SLC9A8: variants seen among roughly 807,000 people sequenced by gnomAD.
SLC9A8 encodes sodium/hydrogen exchanger 8.
Under a neutral mutation model 66.6 loss-of-function variants are expected in SLC9A8, and 48 were observed. The observed-to-expected ratio is 0.72, with a 90% CI of 0.57 to 0.92. The LOEUF is 0.92. SLC9A8 is among the 40% of genes least tolerant of loss of function. The pLI, the probability that SLC9A8 is intolerant of heterozygous loss-of-function variation, is 0.00. For synonymous variants in SLC9A8, 274 were observed against 282.6 expected (o/e 0.97, Z 0.31); for missense variants, 599 against 747.3 (o/e 0.80, Z 2.31).
chr20:49,837,066 C>T (rs1045096511), intron 3 of SLC9A8, among the ~76,000 whole-genome samples: 1 of 152,110 alleles, frequency 6.6e-6, no homozygotes, highest in African/African-American at 2.4e-5. Context: ...CAAAGTCACC[C>T]CTCTCTTTGT....
At chr20:49,875,886 C>CT (rs1200798635) in intron 11 of SLC9A8, among the ~76,000 whole-genome samples, 6 of 152,240 alleles carry the variant, frequency 3.9e-5, no homozygotes, top group Admixed American at 3.3e-4. Context: ...AGGTGCCCGC[C>CT]ACCATGCCTG....
intron 3 of SLC9A8, among the ~76,000 whole-genome samples, chr20:49,823,645 C>T (rs553386585): frequency 6.6e-6 from 1 of 151,902 alleles, no homozygotes; most frequent in South Asian, 2.1e-4. Context: ...GTTTCCTGTG[C>T]CAATTAACTG....
Position 49,891,971 on chromosome 20 carries a change from T to C in SLC9A8, c.*4035T>C, listed in dbSNP as rs1289391164. 1 of 152,176 alleles carries C rather than the reference T, an allele frequency of 6.6e-6. No homozygotes were observed. The highest frequency in any genetic ancestry group is 1.5e-5 in the Non-Finnish European group (1 of 68,044). 9.4% of individuals were successfully genotyped at this position (152,176 alleles called of 1,614,324 possible). A position where few individuals can be genotyped will look rare whatever the true frequency, so the allele number is the denominator to read the frequency against. The stretch of plus-strand genomic sequence containing the variant: ...TGCTGGGTTTTTGTTTTAAGAAGCA[T>C]TATGAAGGCCAGACTTACTCATTTT... On this transcript the variant is annotated 3_prime_UTR_variant, in exon 16 of 16. Transcript: ENST00000361573.
Position 49,820,854 on chromosome 20 carries a change from T to C in SLC9A8, c.209-2207T>C, listed in dbSNP as rs891634629. ...GCCACCGCACCAGGCCCTCACTGTA[T>C]TTTTTAAAAAATCTTACATGTCCTT... is the stretch of plus-strand genomic sequence containing the variant. On this transcript the variant is annotated intron_variant, in intron 2 of 15. Coordinates refer to ENST00000361573, the MANE Select transcript of SLC9A8 (RefSeq NM_015266.3). Among the ~76,000 whole-genome samples, 7 of 152,280 alleles carry C rather than the reference T, an allele frequency of 4.6e-5. No homozygotes were observed. The East Asian group carries it at 1.4e-3, about 29-fold the overall frequency.
intron 8 of SLC9A8, among the ~76,000 whole-genome samples, chr20:49,856,310 G>C (rs920127798): frequency 6.6e-6 from 1 of 152,104 alleles, no homozygotes; most frequent in African/African-American, 2.4e-5. Flanking sequence ...CAATATTATT[G>C]GCAACAAAAG....
chr20:49,869,584 A>G (rs2089123641), intron 10 of SLC9A8, among the ~76,000 whole-genome samples: 1 of 150,490 alleles, frequency 6.6e-6, no homozygotes, highest in South Asian at 2.2e-4. Context: ...CTATAATCCC[A>G]GCACTTTGGG....
At chr20:49,840,965 A>G in intron 4 of SLC9A8, among the ~76,000 whole-genome samples, 1 of 152,002 alleles carries the variant, frequency 6.6e-6, no homozygotes, top group African/African-American at 2.4e-5. Flanking sequence ...AAAATACAAA[A>G]AAAAAAAAAG....
At position 49,886,799 on chromosome 20, in the gene SLC9A8, G is replaced by T; in HGVS notation, c.1539G>T (p.Glu513Asp). The change falls in exon 15 of 16, where the codon GAG becomes GAT. Residue 513 changes from glutamate to aspartate, a missense_variant. Physicochemically the swap from Glu to Asp is conservative, Grantham distance 45 (BLOSUM62 2). Transcript: ENST00000361573. This position sits in a 1 kb window ranked among gnomAD's most constrained non-coding sequence, Gnocchi z 4.8. ...SEHLSELTEE[E>D]YEAHYIRRQD... is the part of the protein sequence containing the mutation. ...ACCTGTCGGAGCTCACGGAGGAGGA[G>T]TACGAGGCCCACTACATCAGGCGGC... is the stretch of plus-strand genomic sequence containing the variant. 6.2e-7 allele frequency: 1 copy of T among 1,614,188 alleles called. No homozygotes were observed.
rs1351180064 is a variant in SLC9A8 at position 49,890,870 on chromosome 20, G to A, written c.*2934G>A. 1 of 152,300 alleles carries A rather than the reference G, an allele frequency of 6.6e-6. No individual in the cohort carries two copies. The highest frequency in any genetic ancestry group is 1.5e-5 in the Non-Finnish European group (1 of 68,076). 9.4% of individuals were successfully genotyped at this position (152,300 alleles called of 1,614,324 possible). A position where few individuals can be genotyped will look rare whatever the true frequency, so the allele number is the denominator to read the frequency against. On this transcript the variant is annotated 3_prime_UTR_variant, in exon 16 of 16. Transcript: ENST00000361573. ...TGGCATGAGGCCAAGGGGTAGGCCT[G>A]AGCGCCAGAGTCGCCCAGGTTAGCC... is the stretch of plus-strand genomic sequence containing the variant.
At chr20:49,831,019 CA>C in intron 3 of SLC9A8, 1 of 739,492 alleles carries the variant, frequency 1.4e-6, no homozygotes. Context: ...ACCAGGTGTA[CA>C]AAAGAGCCAA....
intron 8 of SLC9A8, among the ~76,000 whole-genome samples, chr20:49,862,338 T>C (rs1266461898): frequency 6.6e-6 from 1 of 151,952 alleles, no homozygotes; most frequent in Non-Finnish European, 1.5e-5. Flanking sequence ...CTTGGCCCAC[T>C]GCAACCTCTG....
chr20:49,826,241 AT>A (rs2086907943), intron 3 of SLC9A8, among the ~76,000 whole-genome samples: 1 of 152,238 alleles, frequency 6.6e-6, no homozygotes, highest in Non-Finnish European at 1.5e-5. Context: ...TGACATAGCT[AT>A]CAAAGTAATT....
At chr20:49,841,413 A>G (rs1025268394) in intron 4 of SLC9A8, among the ~76,000 whole-genome samples, 1 of 151,850 alleles carries the variant, frequency 6.6e-6, no homozygotes, top group South Asian at 2.1e-4. Flanking sequence ...CCAGATGTGC[A>G]GGGAGCAGTG....
intron 12 of SLC9A8, among the ~76,000 whole-genome samples, chr20:49,880,216 A>G (rs1436378775): frequency 6.6e-6 from 1 of 150,704 alleles, no homozygotes; most frequent in Non-Finnish European, 1.5e-5. Flanking sequence ...TTGAGCCACA[A>G]TCACACCACT....
chr20:49,874,632 C>T (rs987858637), intron 10 of SLC9A8, 73 bp from the exon 11 acceptor site: 1 of 940,126 alleles, frequency 1.1e-6, no homozygotes, highest in Non-Finnish European at 1.8e-6. Context: ...GGCCCCAGGG[C>T]CTTGCAGGCA....
rs955946005 is a variant in SLC9A8 at position 49,886,459 on chromosome 20, C to CA, written c.1492-292dup. 2.6e-5 allele frequency: 8 copies of CA among 307,658 alleles called. No homozygotes were observed. The highest frequency in any genetic ancestry group is 1.0e-4 in the Admixed American group (2 of 20,002). The allele number at this position is 307,658 out of a possible 1,614,324, so 19.1% of individuals were successfully genotyped here. A position where few individuals can be genotyped will look rare whatever the true frequency, so the allele number is the denominator to read the frequency against. On this transcript the variant is annotated intron_variant, in intron 14 of 15. Transcript: ENST00000361573. This position sits in a 1 kb window ranked among gnomAD's most constrained non-coding sequence, Gnocchi z 4.8. ...AGAACAGCAGTTCTGGTCCTGGTTG[C>CA]ATGATAGAATCACCCAAAAGCTTGA...
At chr20:49,878,202 T>G in intron 12 of SLC9A8, 139 bp downstream of exon 12, 1 of 503,598 alleles carries the variant, frequency 2.0e-6, no homozygotes, top group Non-Finnish European at 3.4e-6. Context: ...AAGTTTCTTT[T>G]GTTAAAAAAA....
intron 3 of SLC9A8, among the ~76,000 whole-genome samples, chr20:49,832,200 C>G (rs1202233846): frequency 6.6e-6 from 1 of 152,156 alleles, no homozygotes; most frequent in Non-Finnish European, 1.5e-5. Context: ...GTCTGTCTGT[C>G]CCTTCTTTGG....
At chr20:49,883,223 CACAG>C (rs1479652065) in intron 13 of SLC9A8, among the ~76,000 whole-genome samples, 1 of 152,094 alleles carries the variant, frequency 6.6e-6, no homozygotes, top group African/African-American at 2.4e-5. Context: ...CTAGTAGCGT[CACAG>C]AGGACCAGCC....
Sources: gnomAD v4.1 joint callset for allele counts (sites outside exome capture counted in the v4.1 genomes callset) on GRCh38, gnomAD v4.1.1 for gene constraint, Gnocchi (gnomAD v3.1) non-coding constraint, MANE v1.5 for transcripts, NCBI Gene and HGNC (gene_info 2026-07-23, HGNC 2026-07-21) for gene names.